The following GAB4 variants were observed in gnomAD, a reference collection of about 807,000 sequenced individuals.
The protein encoded by GAB4 is GRB2-associated-binding protein 4.
GAB4 carries 26 observed loss-of-function variants against 51.3 expected under a neutral mutation model. That is an observed-to-expected ratio of 0.51 (90% confidence interval 0.37 to 0.70). The LOEUF (loss-of-function observed/expected upper bound fraction) is 0.70. GAB4 is among the 30% of genes least tolerant of loss of function. The pLI, the probability that GAB4 is intolerant of heterozygous loss-of-function variation, is 0.00. For synonymous variants in GAB4, 329 were observed against 291.2 expected, an observed-to-expected ratio of 1.13 and a Z score of -1.32; for missense variants, 759 against 734.6, an observed-to-expected ratio of 1.03 and a Z score of -0.38.
chr22:16,993,166 A>G lies in GAB4; in HGVS notation c.175-990T>C, dbSNP rs114062789. 3.6e-3 allele frequency among the ~76,000 whole-genome samples: 555 copies of G among 152,264 alleles called. 11 individuals are homozygous for G. The highest frequency in any genetic ancestry group is 0.013 in the African/African-American group (533 of 41,534). On this transcript the variant is annotated intron_variant, in intron 1 of 9. Transcript: ENST00000400588. Reference sequence around the variant, plus strand: ...CTTCAACAAGACTGAGTGATCCATGAGCAGACACCACACACAGGGATAAAA... The same window carrying G: ...CTTCAACAAGACTGAGTGATCCATGGGCAGACACCACACACAGGGATAAAA...
chr22:17,007,946 G>A lies in GAB4; in HGVS notation c.169C>T (p.Leu57Phe), dbSNP rs1163234916. 1 of 1,600,436 alleles carries A rather than the reference G, an allele frequency of 6.2e-7. No individual in the cohort carries two copies. The highest frequency in any genetic ancestry group is 8.5e-7 in the Non-Finnish European group (1 of 1,171,014). Reference sequence around the variant, plus strand: ...GCCCCCACTGCCCCACTCACAAAGAGCCTCAGCTTCTTCTCGGGGGGCGAC... The same window carrying A: ...GCCCCCACTGCCCCACTCACAAAGAACCTCAGCTTCTTCTCGGGGGGCGAC... ...RKSPPEKKLR[L>F]FAWRKRWFIL... Residue 57 changes from leucine to phenylalanine, a missense_variant, in exon 1 of 10, where the codon CTC (leucine) becomes TTC (phenylalanine). Coordinates refer to ENST00000400588, the MANE Select transcript of GAB4 (RefSeq NM_001037814.1).
intron 1 of GAB4, among the ~76,000 whole-genome samples, chr22:17,000,677 C>T (rs1272090483): frequency 6.6e-6 from 1 of 152,050 alleles, no homozygotes; most frequent in African/African-American, 2.4e-5. Flanking sequence ...TTGATCCTGT[C>T]ATTATGATGT....
Position 16,970,173 on chromosome 22 carries a change from C to T in GAB4, c.707G>A (p.Gly236Asp), listed in dbSNP as rs1283686048. 3 of 1,613,984 alleles carry T rather than the reference C, an allele frequency of 1.9e-6. No individual in the cohort carries two copies. Among genetic ancestry groups the T allele is most frequent in the Non-Finnish European group, 8.5e-7 (1 of 1,180,032 alleles). The change falls in exon 4 of 10, where the codon GGT (glycine) becomes GAT (aspartate). Residue 236 changes from glycine (G) to aspartate (D), a missense_variant. By Grantham distance (94) the Gly-to-Asp change is moderately conservative (BLOSUM62 -1). This residue lies in a region of GAB4 where 588 missense variants were observed against 510.2 expected (regional missense o/e 1.15). Transcript: ENST00000400588. Reference sequence around the variant, plus strand: ...CCTCATGATGAATGGGGCCTCAGAACCCTGGGAGAAGCTGGCACTCCTAAG... The same window carrying T: ...CCTCATGATGAATGGGGCCTCAGAATCCTGGGAGAAGCTGGCACTCCTAAG... ...EHARSASFSQGSEAPFIMRRN... is the reference protein window; with the variant it reads ...EHARSASFSQDSEAPFIMRRN...
chr22:16,996,408 C>T (rs1238841097), intron 1 of GAB4, among the ~76,000 whole-genome samples: 2 of 152,016 alleles, frequency 1.3e-5, no homozygotes, highest in Admixed American at 1.3e-4. Flanking sequence ...AGGAGAACTT[C>T]CCCAACCAAG....
chr22:16,968,310 G>C lies in GAB4; in HGVS notation c.1011C>G (p.Val337=). 6.2e-7 allele frequency: 1 copy of C among 1,613,408 alleles called. No individual in the cohort carries two copies. The highest frequency in any genetic ancestry group is 8.5e-7 in the Non-Finnish European group (1 of 1,179,372). The stretch of plus-strand genomic sequence containing the variant: ...AAGCCATACTCACCAGGAAAGAACA[G>C]ACTCCCTCATGCATGGACTCAGCAG... ...SRPAESMHEG[V]CSFLPGRTLV... Residue 337 remains valine, a synonymous_variant, in exon 5 of 10, where the codon GTC becomes GTG. Transcript: ENST00000400588.
At chr22:16,973,347 C>G (rs528549479) in intron 3 of GAB4, among the ~76,000 whole-genome samples, 15 of 152,302 alleles carry the variant, frequency 9.8e-5, no homozygotes, top group African/African-American at 3.4e-4. Flanking sequence ...AAGGAACAAG[C>G]AGATGAATGA....
At chr22:16,993,296 T>C (rs2060927550) in intron 1 of GAB4, among the ~76,000 whole-genome samples, 1 of 152,154 alleles carries the variant, frequency 6.6e-6, no homozygotes, top group Admixed American at 6.5e-5. Context: ...TCTCGGCTAT[T>C]GGAATCACCA....
At chr22:17,007,841 G>C in intron 1 of GAB4, 100 bp downstream of exon 1, 1 of 1,136,270 alleles carries the variant, frequency 8.8e-7, no homozygotes, top group Non-Finnish European at 1.2e-6. Context: ...GCCTCCACCC[G>C]CAGCTCCTCC....
intron 2 of GAB4, among the ~76,000 whole-genome samples, chr22:16,989,716 G>C (rs78194508): frequency 6.6e-6 from 1 of 152,192 alleles, no homozygotes; most frequent in Non-Finnish European, 1.5e-5. Flanking sequence ...GCTGCCCAGG[G>C]AGGGTGCAGC....
intron 3 of GAB4, among the ~76,000 whole-genome samples, chr22:16,975,752 C>A (rs2159932): frequency 0.78 from 119,118 of 152,118 alleles, 47,430 homozygotes; most frequent in African/African-American, 0.93. Context: ...ACACCTCATA[C>A]AGGAGAGCTC....
intron 3 of GAB4, among the ~76,000 whole-genome samples, chr22:16,981,555 A>G (rs77954289): frequency 1.3e-5 from 2 of 152,180 alleles, no homozygotes; most frequent in South Asian, 4.1e-4. Flanking sequence ...ACACAAATAC[A>G]ACCTAGCAAG....
chr22:16,995,764 C>T (rs564605415), intron 1 of GAB4, among the ~76,000 whole-genome samples: 2 of 152,288 alleles, frequency 1.3e-5, no homozygotes, highest in East Asian at 3.9e-4. Context: ...ATAGCACCAA[C>T]ATCAACAAAA....
At chr22:16,984,340 A>G (rs1005859461) in intron 3 of GAB4, among the ~76,000 whole-genome samples, 1 of 152,202 alleles carries the variant, frequency 6.6e-6, no homozygotes, top group African/African-American at 2.4e-5. Flanking sequence ...TGCTCTATAT[A>G]CTCTTTGTAG....
chr22:16,964,818 T>G lies in GAB4; in HGVS notation c.1424A>C (p.Gln475Pro). The G allele has an allele frequency of 6.2e-7, 1 of 1,614,070 alleles. No homozygotes were observed. Among genetic ancestry groups the G allele is most frequent in the Non-Finnish European group, 8.5e-7 (1 of 1,179,972 alleles). The change falls in exon 8 of 10, where the codon CAG becomes CCG. Residue 475 changes from glutamine to proline, a missense_variant. Gln to Pro is a moderately conservative substitution (Grantham distance 76). This residue lies in a region of GAB4 where 588 missense variants were observed against 510.2 expected (regional missense o/e 1.15). Transcript: ENST00000400588. ...SSSSQHPIST[Q>P]SITNTDSEDS... ...TTCTGAGTCTGTGTTGGTGATGCTC[T>G]GCGTGGAGATGGGGTGTTGGGAGGA... is the stretch of plus-strand genomic sequence containing the variant.
chr22:16,982,116 G>GA (rs2060831940), intron 3 of GAB4, among the ~76,000 whole-genome samples: 1 of 152,128 alleles, frequency 6.6e-6, no homozygotes, highest in African/African-American at 2.4e-5. Flanking sequence ...ACTGAACAGG[G>GA]AAAAATGAAA....
chr22:16,964,899 G>A (rs536645107), intron 7 of GAB4, 37 bp from the exon 8 acceptor site: 5 of 1,521,374 alleles, frequency 3.3e-6, no homozygotes, highest in East Asian at 2.3e-5. Flanking sequence ...CATCCTGGGT[G>A]GGGCTCAGGG....
rs1410167758 is a variant in GAB4, at chr22:16,992,016, T to C, written c.335A>G (p.Lys112Arg). 1 of 1,614,228 alleles carries C rather than the reference T, an allele frequency of 6.2e-7. No individual in the cohort carries two copies. ...CATATAGCCCTTCTGAATCTCCTTCTTGTTGAAGTTCAGAGTCACATCAAC... is the reference window on the plus strand; with the variant it reads ...CATATAGCCCTTCTGAATCTCCTTCCTGTTGAAGTTCAGAGTCACATCAAC... ...LDVDVTLNFN[K>R]KEIQKGYMFD... Residue 112 changes from lysine (K) to arginine (R), a missense_variant, in exon 2 of 10, where the codon AAG becomes AGG. Transcript: ENST00000400588.
chr22:16,975,127 C>G (rs1333812434), intron 3 of GAB4, among the ~76,000 whole-genome samples: 4 of 152,100 alleles, frequency 2.6e-5, no homozygotes, highest in African/African-American at 9.7e-5. Flanking sequence ...TTTTCCATAC[C>G]CTAGTGGCGC....
intron 2 of GAB4, among the ~76,000 whole-genome samples, chr22:16,988,564 A>G (rs2060888466): frequency 6.6e-6 from 1 of 152,158 alleles, no homozygotes; most frequent in Non-Finnish European, 1.5e-5. Flanking sequence ...GGGTGAAGCG[A>G]GGCTTGCCAA....
Sources: allele counts gnomAD v4.1 joint callset (sites outside exome capture counted in the v4.1 genomes callset), GRCh38; gene constraint gnomAD v4.1.1; regional missense constraint gnomAD v4.1.1; transcripts MANE v1.5; gene names NCBI Gene and HGNC (gene_info 2026-07-23, HGNC 2026-07-21).